CD96: variants seen among roughly 807,000 people sequenced by gnomAD.
CD96 encodes the protein T-cell surface protein tactile.
A neutral mutation model predicts 71.3 loss-of-function variants in CD96; 70 were observed. The ratio of observed to expected loss-of-function variants is 0.98; its 90% CI spans 0.81 to 1.20. The LOEUF (loss-of-function observed/expected upper bound fraction) is 1.20, where lower values mean the gene tolerates loss of function less well. Among genes scored for constraint, CD96 ranks in the 50% most tolerant of loss-of-function variants. CD96 has a pLI of 0.00. For synonymous variants in CD96, 248 were observed against 233.0 expected, an observed-to-expected ratio of 1.06 and a Z score of -0.59; for missense variants, 742 against 677.5, an observed-to-expected ratio of 1.10 and a Z score of -1.06.
At chr3:111,602,630 C>A (rs541462470) in intron 7 of CD96, among the ~76,000 whole-genome samples, 2 of 152,260 alleles carry the variant, frequency 1.3e-5, no homozygotes, top group African/African-American at 2.4e-5. Flanking sequence ...TATTATGTCT[C>A]CCTATTGTTG....
chr3:111,663,955 T>A (rs1940418616), intron 14 of CD96, among the ~76,000 whole-genome samples: 1 of 152,120 alleles, frequency 6.6e-6, no homozygotes, highest in Admixed American at 6.6e-5. Flanking sequence ...TTTCACCATG[T>A]TAGCCAGGAT....
intron 12 of CD96, among the ~76,000 whole-genome samples, chr3:111,639,450 C>G (rs1041917846): frequency 6.6e-6 from 1 of 152,290 alleles, no homozygotes; most frequent in African/African-American, 2.4e-5. Flanking sequence ...AATCTCACCC[C>G]CATCCCCAAC....
At position 111,662,281 on chromosome 3, in the gene CD96, A is replaced by T. The variant is rs527587763; in HGVS notation, c.*53-3246A>T. ...AACCATTTTTCCCTCTTAGTCCTCCAGGCCTGTGATGAAAGGTGCTGCTGT... is the reference window on the plus strand; with the variant it reads ...AACCATTTTTCCCTCTTAGTCCTCCTGGCCTGTGATGAAAGGTGCTGCTGT... On this transcript the variant is annotated intron_variant and NMD_transcript_variant, in intron 14 of 14. Coordinates refer to the CD96 transcript ENST00000494798. Among the ~76,000 whole-genome samples the T allele has an allele frequency of 2.0e-5, 3 of 152,332 alleles. No homozygotes were observed. In the East Asian group the frequency reaches 5.8e-4, roughly 29 times the overall value.
chr3:111,656,885 A>G (rs891272584), downstream of CD96, among the ~76,000 whole-genome samples: 1 of 152,154 alleles, frequency 6.6e-6, no homozygotes, highest in Non-Finnish European at 1.5e-5. Context: ...TTGAGGGGTA[A>G]AGAAGGAAGA....
chr3:111,598,050 G>A (rs994671230), intron 5 of CD96, 70 bp from the exon 6 acceptor site: 3 of 762,346 alleles, frequency 3.9e-6, no homozygotes, highest in African/African-American at 1.8e-5. Flanking sequence ...TTATATGAAT[G>A]TTAGTAAGTT....
intron 4 of CD96, among the ~76,000 whole-genome samples, chr3:111,584,183 G>T (rs755477162): frequency 6.6e-6 from 1 of 152,166 alleles, no homozygotes; most frequent in South Asian, 2.1e-4. Flanking sequence ...AATGCTGCCA[G>T]TCTCTTTGCT....
chr3:111,605,590 C>T (rs544623486), intron 7 of CD96, among the ~76,000 whole-genome samples: 2 of 152,056 alleles, frequency 1.3e-5, no homozygotes, highest in African/African-American at 4.8e-5. Flanking sequence ...CCCATATAAC[C>T]GTCCTCCACC....
chr3:111,570,858 C>G, intron 3 of CD96: 1 of 1,609,934 alleles, frequency 6.2e-7, no homozygotes. Flanking sequence ...GTGCAAGGGT[C>G]CTGACCGCTC....
chr3:111,545,480 G>A, intron 2 of CD96, 78 bp downstream of exon 2: 1 of 952,132 alleles, frequency 1.1e-6, no homozygotes, highest in Non-Finnish European at 1.7e-6. Flanking sequence ...AGAAAAGCAA[G>A]GTTAGGCTTG....
At chr3:111,545,930 A>G (rs1168396481) in intron 2 of CD96, among the ~76,000 whole-genome samples, 1 of 152,178 alleles carries the variant, frequency 6.6e-6, no homozygotes, top group Non-Finnish European at 1.5e-5. Flanking sequence ...CAGAACCATA[A>G]GAAGACATGG....
intron 3 of CD96, among the ~76,000 whole-genome samples, chr3:111,578,238 C>A (rs1188905600): frequency 1.3e-5 from 2 of 152,126 alleles, no homozygotes; most frequent in East Asian, 3.9e-4. Context: ...GGGAGTTTGT[C>A]CAAAAAAATT....
At chr3:111,571,096 G>T in intron 3 of CD96, 1 of 786,004 alleles carries the variant, frequency 1.3e-6, no homozygotes, top group Non-Finnish European at 2.3e-6. Flanking sequence ...CTAAGACCCG[G>T]GCATCCCTCT....
At chr3:111,549,282 G>A (rs367846150) in intron 2 of CD96, among the ~76,000 whole-genome samples, 4 of 152,214 alleles carry the variant, frequency 2.6e-5, no homozygotes, top group African/African-American at 7.2e-5. Flanking sequence ...ATGGGGGAAG[G>A]AAGTTATAAC....
intron 8 of CD96, among the ~76,000 whole-genome samples, chr3:111,610,554 A>T (rs765351594): frequency 1.3e-5 from 2 of 152,222 alleles, no homozygotes; most frequent in African/African-American, 2.4e-5. Flanking sequence ...CATGAAAGCA[A>T]TATTCTTTAA....
rs371757195 is a variant in CD96 at position 111,606,657 on chromosome 3, T to G, written c.1088-43T>G. On this transcript the variant is annotated intron_variant, in intron 7 of 13. Coordinates refer to ENST00000352690, the MANE Select transcript of CD96 (RefSeq NM_005816.5). ...CTAAGTCAATACTTTATCTTTTGATTACAATATTTTGTTCATTATAAATCT... is the reference window on the plus strand; with the variant it reads ...CTAAGTCAATACTTTATCTTTTGATGACAATATTTTGTTCATTATAAATCT... 2.3e-5 allele frequency: 22 copies of G among 946,458 alleles called. No homozygotes were observed. In the African/African-American group the frequency reaches 2.7e-4, roughly 12 times the overall value. The allele number at this position is 946,458 out of a possible 1,614,324, so 58.6% of individuals were successfully genotyped here.
At chr3:111,593,975 G>A (rs1167405391) in intron 5 of CD96, 1 of 1,614,152 alleles carries the variant, frequency 6.2e-7, no homozygotes, top group African/African-American at 1.3e-5. Flanking sequence ...GCGGCAGGTG[G>A]CATACTGGTT....
At chr3:111,605,642 G>A (rs1193257193) in intron 7 of CD96, among the ~76,000 whole-genome samples, 1 of 152,108 alleles carries the variant, frequency 6.6e-6, no homozygotes, top group East Asian at 1.9e-4. Context: ...TATAGTAGTG[G>A]ATCAGAGCTA....
At chr3:111,598,877 C>T (rs879675566) in intron 6 of CD96, among the ~76,000 whole-genome samples, 6 of 152,220 alleles carry the variant, frequency 3.9e-5, no homozygotes, top group Non-Finnish European at 8.8e-5. Flanking sequence ...AACAGCTATT[C>T]TCCTTTCTCC....
chr3:111,549,677 G>A (rs1256406737), intron 2 of CD96, among the ~76,000 whole-genome samples: 1 of 152,068 alleles, frequency 6.6e-6, no homozygotes, highest in Non-Finnish European at 1.5e-5. Flanking sequence ...GATCAGTGGT[G>A]GATTGCCTAC....
Sources: allele counts gnomAD v4.1 joint callset (sites outside exome capture counted in the v4.1 genomes callset), GRCh38; gene constraint gnomAD v4.1.1; transcripts MANE v1.5; gene names NCBI Gene and HGNC (gene_info 2026-07-23, HGNC 2026-07-21).